The following GRM7 variants were observed in gnomAD, a reference collection of about 807,000 sequenced individuals.
The protein encoded by GRM7 is metabotropic glutamate receptor 7.
Under a neutral mutation model 84.5 loss-of-function variants are expected in GRM7, and 35 were observed. The observed-to-expected ratio is 0.41, with a 90% confidence interval of 0.32 to 0.55. The LOEUF (loss-of-function observed/expected upper bound fraction) is 0.55. Ranked by LOEUF, GRM7 falls within the 20% of genes least tolerant of loss-of-function variation. The pLI is 0.19. For missense variants in GRM7, 1,003 were observed against 1,194.6 expected (o/e 0.84, Z 2.36); for synonymous variants, 487 against 455.1 (o/e 1.07, Z -0.89).
At chr3:7,460,852 T>C (rs1271853705) in intron 6 of GRM7, among the ~76,000 whole-genome samples, 2 of 151,864 alleles carry the variant, frequency 1.3e-5, no homozygotes, top group Admixed American at 6.6e-5. Context: ...GATACAGATA[T>C]AGATATAGGT....
chr3:7,276,805 T>TCCTTCCTTCCTTCCC (rs1699086677), intron 2 of GRM7, among the ~76,000 whole-genome samples: 1 of 1,338 alleles, frequency 7.5e-4, no homozygotes, highest in African/African-American at 8.7e-4. Flanking sequence ...CTTCCTTCCT[T>TCCTTCCTTCCTTCCC]TTTGGTGGTG....
chr3:7,413,707 A>T (rs1449217458), intron 4 of GRM7, among the ~76,000 whole-genome samples: 1 of 152,150 alleles, frequency 6.6e-6, no homozygotes, highest in Non-Finnish European at 1.5e-5. Context: ...TCAATAGCTG[A>T]TACAGTAAGT....
At chr3:7,141,031 T>G (rs546754034) in intron 1 of GRM7, among the ~76,000 whole-genome samples, 2 of 152,186 alleles carry the variant, frequency 1.3e-5, no homozygotes, top group Admixed American at 1.3e-4. Context: ...TATATATTTG[T>G]TTCAAGATAA....
At chr3:7,179,830 G>T (rs1274091040) in intron 2 of GRM7, among the ~76,000 whole-genome samples, 1 of 152,136 alleles carries the variant, frequency 6.6e-6, no homozygotes, top group African/African-American at 2.4e-5. Context: ...AGGAATAATT[G>T]AAAAATAGTA....
At chr3:7,720,140 C>T (rs1468727298) in intron 9 of GRM7, among the ~76,000 whole-genome samples, 2 of 152,114 alleles carry the variant, frequency 1.3e-5, no homozygotes, top group African/African-American at 4.8e-5. Flanking sequence ...GGCAAGAAAC[C>T]TGAAACTTGA....
chr3:7,353,700 T>A (rs1693262679), intron 4 of GRM7, among the ~76,000 whole-genome samples: 2 of 152,148 alleles, frequency 1.3e-5, no homozygotes, highest in South Asian at 4.1e-4. Flanking sequence ...CTGTGATTGC[T>A]CTTGTCTGCA....
intron 1 of GRM7, among the ~76,000 whole-genome samples, chr3:7,100,833 G>T (rs1021194171): frequency 6.6e-6 from 1 of 151,806 alleles, no homozygotes; most frequent in African/African-American, 2.4e-5. Flanking sequence ...CTGACACTGT[G>T]ATAGATTTGG....
intron 1 of GRM7, among the ~76,000 whole-genome samples, chr3:7,103,756 TTC>T (rs1491325238): frequency 3.1e-5 from 1 of 32,426 alleles, no homozygotes; most frequent in Non-Finnish European, 5.7e-5. Flanking sequence ...CTCCCTTTCT[TTC>T]TTTCTTTCTT....
intron 1 of GRM7, among the ~76,000 whole-genome samples, chr3:7,132,754 C>T (rs1000654409): frequency 2.6e-5 from 4 of 152,160 alleles, no homozygotes; most frequent in African/African-American, 9.7e-5. Context: ...TGAGAATGTG[C>T]CCAAGGCTTG....
rs1277859073 is a variant in GRM7, at chr3:6,862,969, A to G, written c.519+1062A>G. On this transcript the variant is annotated intron_variant, in intron 1 of 9. Coordinates refer to ENST00000357716, the MANE Select transcript of GRM7 (RefSeq NM_000844.4). The surrounding 1 kb of genome is among the most constrained non-coding windows in gnomAD (Gnocchi z 5.2). ...GTGTTCTCTCGCCTCCTGCTCCAGC[A>G]GCCTCTGCCCCATGGCTCCTGAGCT... The G allele has an allele frequency of 2.2e-6, 1 of 456,246 alleles. No homozygotes were observed. Among genetic ancestry groups the G allele is most frequent in the Non-Finnish European group, 4.4e-6 (1 of 226,728 alleles). The allele number at this position is 456,246 out of a possible 1,614,324, so 28.3% of individuals were successfully genotyped here. A position where few individuals can be genotyped will look rare whatever the true frequency, so the allele number is the denominator to read the frequency against.
At chr3:7,158,269 C>T (rs1694516814) in intron 2 of GRM7, among the ~76,000 whole-genome samples, 2 of 152,120 alleles carry the variant, frequency 1.3e-5, no homozygotes, top group Non-Finnish European at 2.9e-5. Context: ...TTGAAGACCT[C>T]TGCTTTAAAT....
At chr3:7,404,792 T>TA (rs59292920) in intron 4 of GRM7, among the ~76,000 whole-genome samples, 119 of 145,778 alleles carry the variant, frequency 8.2e-4, no homozygotes, top group South Asian at 2.0e-3. Flanking sequence ...GAGTCCTACA[T>TA]AAAAAAAAAA....
chr3:7,218,964 G>A (rs887289472), intron 2 of GRM7, among the ~76,000 whole-genome samples: 2 of 151,718 alleles, frequency 1.3e-5, no homozygotes, highest in African/African-American at 2.4e-5. Flanking sequence ...ATAATATATT[G>A]GTTATTTTTG....
intron 2 of GRM7, among the ~76,000 whole-genome samples, chr3:7,196,384 G>A (rs1488731303): frequency 6.6e-6 from 1 of 152,028 alleles, no homozygotes. Flanking sequence ...TGGACACCAT[G>A]GCTCAGCCAA....
chr3:7,704,882 C>T (rs1701337667), intron 9 of GRM7, among the ~76,000 whole-genome samples: 2 of 152,124 alleles, frequency 1.3e-5, no homozygotes, highest in South Asian at 4.2e-4. Flanking sequence ...AGAGAACCTC[C>T]TTGGCCATGC....
intron 9 of GRM7, 111 bp downstream of exon 9, chr3:7,680,406 G>T: frequency 8.6e-7 from 1 of 1,167,598 alleles, no homozygotes; most frequent in Non-Finnish European, 1.2e-6. Flanking sequence ...TTGTCTTATG[G>T]GCTGGGTTGC....
In GRM7 at chr3:7,606,634, A is replaced by G. The variant is rs144005562; in HGVS notation, c.2451+27277A>G. On this transcript the variant is annotated intron_variant, in intron 8 of 9. Transcript: ENST00000357716. ...CTGCAACCTCTGCCTCCTGGGTTAA[A>G]GCGATTCTCCTGCCTCAGCCTCCTG... is the stretch of plus-strand genomic sequence containing the variant. 2.9e-3 allele frequency among the ~76,000 whole-genome samples: 444 copies of G among 152,190 alleles called. 3 individuals are homozygous for G. The highest frequency in any genetic ancestry group is 1.0e-2 in the African/African-American group (415 of 41,508).
At position 6,897,509 on chromosome 3, in the gene GRM7, C is replaced by A. The variant is rs555166964; in HGVS notation, c.519+35602C>A. On this transcript the variant is annotated intron_variant, in intron 1 of 9. Transcript: ENST00000357716. ...CATTAGAGTGACCTTGAGCAAGTTACTCCTGGTACCTTCTCACCATTTTTG... is the reference window on the plus strand; with the variant it reads ...CATTAGAGTGACCTTGAGCAAGTTAATCCTGGTACCTTCTCACCATTTTTG... 5.9e-5 allele frequency among the ~76,000 whole-genome samples: 9 copies of A among 152,316 alleles called. No homozygotes were observed. The East Asian group carries it at 1.7e-3, about 29-fold the overall frequency.
chr3:7,087,674 G>A (rs1017579567), intron 1 of GRM7, among the ~76,000 whole-genome samples: 1 of 152,076 alleles, frequency 6.6e-6, no homozygotes, highest in Non-Finnish European at 1.5e-5. Context: ...GGAAGTAAAT[G>A]AGTACATGTT....
Sources: gnomAD v4.1 joint callset for allele counts (sites outside exome capture counted in the v4.1 genomes callset) on GRCh38, gnomAD v4.1.1 for gene constraint, Gnocchi (gnomAD v3.1) non-coding constraint, MANE v1.5 for transcripts, NCBI Gene and HGNC (gene_info 2026-07-23, HGNC 2026-07-21) for gene names.